The following SDK1 variants were observed in gnomAD, a reference collection of about 807,000 sequenced individuals.
SDK1 encodes sidekick cell adhesion molecule 1, also known as protein sidekick-1.
In SDK1, 157 loss-of-function variants were observed where a neutral mutation model predicts 245.5. The ratio of observed to expected loss-of-function variants is 0.64; its 90% CI spans 0.56 to 0.73. The LOEUF (loss-of-function observed/expected upper bound fraction) is 0.73. Among genes scored for constraint, SDK1 ranks in the 30% least tolerant of loss-of-function variants. The pLI is 0.00. For synonymous variants in SDK1, 1,647 were observed against 1,278.5 expected (o/e 1.29, Z -6.15); for missense variants, 3,583 against 3,002.3 (o/e 1.19, Z -4.52).
intron 35 of SDK1, among the ~76,000 whole-genome samples, chr7:4,187,660 C>A (rs1782970320): frequency 6.6e-6 from 1 of 152,150 alleles, no homozygotes; most frequent in Non-Finnish European, 1.5e-5. Context: ...AACTGAGACA[C>A]AAAATGTTAG....
intron 19 of SDK1, among the ~76,000 whole-genome samples, chr7:4,065,109 C>T (rs913036860): frequency 4.6e-5 from 7 of 152,162 alleles, no homozygotes; most frequent in African/African-American, 1.7e-4. Context: ...GCCATAGGCA[C>T]TCTGAACACC....
At position 3,585,978 on chromosome 7, in the gene SDK1, C is replaced by G. The variant is rs191604971; in HGVS notation, c.299-33102C>G. Among the ~76,000 whole-genome samples the G allele has an allele frequency of 2.4e-3, 370 of 152,280 alleles. 3 individuals carry two copies. The highest frequency in any genetic ancestry group is 0.018 in the South Asian group (85 of 4,818). Reference sequence around the variant, plus strand: ...CTCTTTGTTTCAGCAAAACACTAATCAGCTTTCGGATATGCAAATATGGGC... The same window carrying G: ...CTCTTTGTTTCAGCAAAACACTAATGAGCTTTCGGATATGCAAATATGGGC... On this transcript the variant is annotated intron_variant, in intron 1 of 44. Transcript: ENST00000404826.
chr7:3,360,964 T>C (rs556594839), intron 1 of SDK1, among the ~76,000 whole-genome samples: 2 of 152,334 alleles, frequency 1.3e-5, no homozygotes, highest in African/African-American at 4.8e-5. Flanking sequence ...AGGCCTCCAA[T>C]TGCCATTTAT....
rs555555970 is a variant in SDK1, at chr7:3,870,385, A to G, written c.847+48802A>G. Among the ~76,000 whole-genome samples, 234 of 152,256 alleles carry G rather than the reference A, an allele frequency of 1.5e-3. 2 individuals are homozygous for G. The highest frequency in any genetic ancestry group is 5.5e-3 in the African/African-American group (228 of 41,554). ...GATGATGGCCATCAGGAGTAAAAGG[A>G]GTGCTCAATAAGGATGTAGGTGTTA... On this transcript the variant is annotated intron_variant, in intron 5 of 44. Transcript: ENST00000404826.
chr7:3,854,539 C>G (rs1780493959), intron 5 of SDK1, among the ~76,000 whole-genome samples: 1 of 152,142 alleles, frequency 6.6e-6, no homozygotes, highest in South Asian at 2.1e-4. Flanking sequence ...CAACCATATT[C>G]CGTAATGCCA....
At chr7:3,696,351 C>T (rs529120195) in intron 4 of SDK1, among the ~76,000 whole-genome samples, 2 of 151,944 alleles carry the variant, frequency 1.3e-5, no homozygotes, top group African/African-American at 4.8e-5. Flanking sequence ...TTTGCTGTGC[C>T]CTGACGTCCA....
At chr7:3,762,633 A>G (rs1780140934) in intron 4 of SDK1, among the ~76,000 whole-genome samples, 1 of 152,202 alleles carries the variant, frequency 6.6e-6, no homozygotes. Context: ...CCAGTGCAAC[A>G]CCTGTGAATC....
rs1784767007 is a variant in SDK1, at chr7:3,702,462, C to T, written c.713+60357C>T. Among the ~76,000 whole-genome samples the T allele has an allele frequency of 2.6e-5, 4 of 152,124 alleles. No individual in the cohort carries two copies. In the South Asian group the frequency reaches 8.3e-4, roughly 31 times the overall value. ...AGAGGTTTTAGCTGGACTTTCCATA[C>T]TGGACATGAATAAGCACCCCTCTCC... On this transcript the variant is annotated intron_variant, in intron 4 of 44. Coordinates refer to ENST00000404826, the MANE Select transcript of SDK1 (RefSeq NM_152744.4).
intron 35 of SDK1, among the ~76,000 whole-genome samples, chr7:4,185,747 C>T (rs546695977): frequency 2.0e-5 from 3 of 152,210 alleles, no homozygotes; most frequent in African/African-American, 7.2e-5. Context: ...GGCAGGGACC[C>T]CTCTTATCCC....
At chr7:4,073,402 A>G (rs1780389266) in intron 20 of SDK1, among the ~76,000 whole-genome samples, 1 of 152,178 alleles carries the variant, frequency 6.6e-6, no homozygotes. Flanking sequence ...TTTTGTTTGT[A>G]TCCACAACCA....
chr7:3,431,564 A>G (rs1217533730), intron 1 of SDK1, among the ~76,000 whole-genome samples: 1 of 152,078 alleles, frequency 6.6e-6, no homozygotes, highest in Non-Finnish European at 1.5e-5. Context: ...TTTTTTTAGT[A>G]TTGTACTTGT....
chr7:4,155,838 C>T (rs574525332), intron 30 of SDK1, among the ~76,000 whole-genome samples: 2 of 152,250 alleles, frequency 1.3e-5, no homozygotes, highest in East Asian at 3.9e-4. Flanking sequence ...CCGACTCGGT[C>T]CCTGTCCTTG....
At chr7:3,353,549 C>A (rs949227052) in intron 1 of SDK1, among the ~76,000 whole-genome samples, 8 of 152,140 alleles carry the variant, frequency 5.3e-5, no homozygotes, top group African/African-American at 7.2e-5. Context: ...ATGTGTAGCT[C>A]TTTTTAGTAG....
intron 14 of SDK1, among the ~76,000 whole-genome samples, chr7:3,997,198 C>T (rs112950092): frequency 6.6e-6 from 1 of 152,192 alleles, no homozygotes. Context: ...CCAGAAACCT[C>T]TGTGGCTGGT....
At chr7:3,366,961 C>T (rs374162990) in intron 1 of SDK1, among the ~76,000 whole-genome samples, 9 of 151,852 alleles carry the variant, frequency 5.9e-5, no homozygotes, top group East Asian at 3.9e-4. Flanking sequence ...AGGATGGTCT[C>T]GATCTCCTGA....
intron 4 of SDK1, among the ~76,000 whole-genome samples, chr7:3,807,718 T>C (rs1438927581): frequency 2.0e-5 from 3 of 152,120 alleles, no homozygotes; most frequent in Non-Finnish European, 4.4e-5. Flanking sequence ...GAGACAACCA[T>C]TAAAGGACTT....
At chr7:3,800,448 C>G (rs1245455576) in intron 4 of SDK1, among the ~76,000 whole-genome samples, 1 of 152,054 alleles carries the variant, frequency 6.6e-6, no homozygotes, top group African/African-American at 2.4e-5. Context: ...ATGGCACAAT[C>G]TTGGCTCACT....
At chr7:4,045,848 C>T (rs942935416) in intron 17 of SDK1, among the ~76,000 whole-genome samples, 4 of 152,096 alleles carry the variant, frequency 2.6e-5, no homozygotes, top group Non-Finnish European at 5.9e-5. Flanking sequence ...GATTTCCTGT[C>T]GTTCTATTGG....
chr7:3,651,215 C>T (rs774110021), intron 4 of SDK1, among the ~76,000 whole-genome samples: 5 of 150,536 alleles, frequency 3.3e-5, no homozygotes, highest in Non-Finnish European at 7.4e-5. Context: ...CGAATGATTG[C>T]GTTTCCCTGC....
Sources: allele counts gnomAD v4.1 joint callset (sites outside exome capture counted in the v4.1 genomes callset), GRCh38; gene constraint gnomAD v4.1.1; transcripts MANE v1.5; gene names NCBI Gene and HGNC (gene_info 2026-07-23, HGNC 2026-07-21).